LDB1: variants seen among roughly 807,000 people sequenced by gnomAD.
LDB1 encodes the protein LIM domain-binding protein 1.
Under a neutral mutation model 49.7 loss-of-function variants are expected in LDB1, and 6 were observed. The ratio of observed to expected loss-of-function variants is 0.12; its 90% CI spans 0.07 to 0.24. The LOEUF (loss-of-function observed/expected upper bound fraction) is 0.24, where lower values mean the gene tolerates loss of function less well. LDB1 is among the 10% of genes least tolerant of loss of function. The pLI, the probability that LDB1 is intolerant of heterozygous loss-of-function variation, is 1.00. For missense variants in LDB1, 341 were observed against 561.7 expected (o/e 0.61, Z 3.97); for synonymous variants, 233 against 202.0 (o/e 1.15, Z -1.30).
chr10:102,107,390 G>C lies in LDB1; in HGVS notation c.*703C>G, dbSNP rs1478189449. ...CAACTGCAGTCACCCCAGAGGAAAG[G>C]GGGAGAGATGGTGAAATGTCTCCTT... is the stretch of plus-strand genomic sequence containing the variant. On this transcript the variant is annotated 3_prime_UTR_variant, in exon 11 of 11. Transcript: ENST00000673968. Among the ~76,000 whole-genome samples, 1 of 151,980 alleles carries C rather than the reference G, an allele frequency of 6.6e-6. No homozygotes were observed. The highest frequency in any genetic ancestry group is 6.6e-5 in the Admixed American group (1 of 15,264).
At chr10:102,102,503 A>G (rs2068128925), downstream of LDB1, among the ~76,000 whole-genome samples, 1 of 152,188 alleles carries the variant, frequency 6.6e-6, no homozygotes, top group Non-Finnish European at 1.5e-5. Context: ...TGGAGCAGCA[A>G]GGAGGGAAGT....
At position 102,108,055 on chromosome 10, in the gene LDB1, C is replaced by T; in HGVS notation, c.*38G>A. ...CTCCCTGGGGCTGTGAGGGGTGGGG[C>T]AGGTAGGCAGAGCACTGGGTGGCCA... On this transcript the variant is annotated 3_prime_UTR_variant, in exon 11 of 11. Transcript: ENST00000673968. 6.8e-7 allele frequency: 1 copy of T among 1,474,478 alleles called. No individual in the cohort carries two copies. Among genetic ancestry groups the T allele is most frequent in the Non-Finnish European group, 9.5e-7 (1 of 1,055,732 alleles). 91.3% of individuals were successfully genotyped at this position (1,474,478 alleles called of 1,614,324 possible).
chr10:102,106,709 G>C lies in LDB1; in HGVS notation c.*1384C>G, dbSNP rs1052056725. On this transcript the variant is annotated 3_prime_UTR_variant, in exon 11 of 11. Coordinates refer to ENST00000673968, the MANE Select transcript of LDB1 (RefSeq NM_001113407.3). Reference sequence around the variant, plus strand: ...GGTGTGGGGGACCCCAGAATCCAGAGGGAAGAGTGGGGAGAGAGGTGGTGT... The same window carrying C: ...GGTGTGGGGGACCCCAGAATCCAGACGGAAGAGTGGGGAGAGAGGTGGTGT... Among the ~76,000 whole-genome samples the C allele has an allele frequency of 6.6e-6, 1 of 152,048 alleles. No individual in the cohort carries two copies. Among genetic ancestry groups the C allele is most frequent in the African/African-American group, 2.4e-5 (1 of 41,392 alleles).
intron 10 of LDB1, 21 bp from the exon 11 acceptor site, chr10:102,108,344 C>A: frequency 6.2e-7 from 1 of 1,600,072 alleles, no homozygotes; most frequent in Admixed American, 1.7e-5. Flanking sequence ...CGGAGGTCCC[C>A]AAACATAATC....
At chr10:102,118,429 C>G (rs1564917252) in intron 1 of LDB1, among the ~76,000 whole-genome samples, 1 of 152,128 alleles carries the variant, frequency 6.6e-6, no homozygotes, top group Non-Finnish European at 1.5e-5. Flanking sequence ...CACCCACCCA[C>G]AAACCCCTGG....
chr10:102,120,044 G>A, intron 1 of LDB1, 42 bp downstream of exon 1: 1 of 1,405,108 alleles, frequency 7.1e-7, no homozygotes, highest in Non-Finnish European at 9.5e-7. Flanking sequence ...CCGCAGGGAC[G>A]GCTGGGCAGG....
chr10:102,103,771 G>A (rs191049165), downstream of LDB1, among the ~76,000 whole-genome samples: 4 of 152,146 alleles, frequency 2.6e-5, no homozygotes, highest in East Asian at 7.7e-4. Flanking sequence ...CCGAGATCAT[G>A]CCACTGCACT....
chr10:102,120,941 C>T (rs1019093404), upstream of LDB1, among the ~76,000 whole-genome samples: 1 of 152,154 alleles, frequency 6.6e-6, no homozygotes, highest in Non-Finnish European at 1.5e-5. Flanking sequence ...TCTGGAGGCC[C>T]CTTGTTTCGC....
At position 102,109,347 on chromosome 10, in the gene LDB1, T is replaced by C. The variant is rs373056910; in HGVS notation, c.856+37A>G. 4 of 1,612,848 alleles carry C rather than the reference T, an allele frequency of 2.5e-6. No individual in the cohort carries two copies. The South Asian group carries it at 4.4e-5, about 18-fold the overall frequency. ...ATAAAGATACAGCTTTGGGGAGCGG[T>C]GTGAGATCCTGGTAAGAGCAGGTGC... On this transcript the variant is annotated intron_variant, in intron 9 of 10. Coordinates refer to ENST00000673968, the MANE Select transcript of LDB1 (RefSeq NM_001113407.3). This position sits in a 1 kb window ranked among gnomAD's most constrained non-coding sequence, Gnocchi z 5.8.
Position 102,109,441 on chromosome 10 carries a change from G to A in LDB1, c.799C>T (p.Arg267Cys). The change falls in exon 9 of 11, where the codon CGC (arginine) becomes TGC (cysteine). Residue 267 changes from arginine (R) to cysteine (C), a missense_variant. Around this residue, in one of 5 missense-constraint regions of LDB1, gnomAD observed 233 missense variants for 385.7 expected, o/e 0.60. Coordinates refer to ENST00000673968, the MANE Select transcript of LDB1 (RefSeq NM_001113407.3). The surrounding 1 kb of genome is among the most constrained non-coding windows in gnomAD (Gnocchi z 5.8). ...AAAAGGCAGGTCTTGAGGCAGTCGCGGGGGCTGAGGCTGTAGGTCTTGTGG... is the reference window on the plus strand; with the variant it reads ...AAAAGGCAGGTCTTGAGGCAGTCGCAGGGGCTGAGGCTGTAGGTCTTGTGG... ...SRHKTYSLSP[R>C]DCLKTCLFQK... 1 of 1,614,162 alleles carries A rather than the reference G, an allele frequency of 6.2e-7. No individual in the cohort carries two copies. Among genetic ancestry groups the A allele is most frequent in the Non-Finnish European group, 8.5e-7 (1 of 1,180,018 alleles).
At chr10:102,112,093 A>G (rs904526075) in intron 1 of LDB1, among the ~76,000 whole-genome samples, 2 of 152,204 alleles carry the variant, frequency 1.3e-5, no homozygotes. Context: ...CCATTTCTTC[A>G]TTTGGCTGAG....
chr10:102,104,370 G>A (rs777550288), downstream of LDB1, among the ~76,000 whole-genome samples: 2 of 152,106 alleles, frequency 1.3e-5, no homozygotes, highest in Admixed American at 6.6e-5. Context: ...ACAAACACAC[G>A]TATACACTGC....
upstream of LDB1, chr10:102,120,505 G>T: frequency 2.1e-6 from 1 of 481,250 alleles, no homozygotes; most frequent in Non-Finnish European, 2.7e-6. Context: ...GCCGGGCAGG[G>T]CCGGGCTTTA....
downstream of LDB1, among the ~76,000 whole-genome samples, chr10:102,102,469 A>T (rs1193352630): frequency 6.6e-6 from 1 of 152,138 alleles, no homozygotes; most frequent in Non-Finnish European, 1.5e-5. Context: ...CTCCTCTTGT[A>T]GAGGTGAGCT....
At chr10:102,103,723 A>G (rs997506842), downstream of LDB1, among the ~76,000 whole-genome samples, 1 of 152,108 alleles carries the variant, frequency 6.6e-6, no homozygotes, top group African/African-American at 2.4e-5. Context: ...CTGAGGCAGG[A>G]GAATCACTTG....
At position 102,110,512 on chromosome 10, in the gene LDB1, C is replaced by A. The variant is rs1645735915; in HGVS notation, c.525+17G>T. ...ACCCAGGTGCCATGGTGTTCCACAT[C>A]CAGCTGGGTTGCTGACCTGGGTGAA... On this transcript the variant is annotated intron_variant, in intron 6 of 10. Coordinates refer to ENST00000673968, the MANE Select transcript of LDB1 (RefSeq NM_001113407.3). 1 of 1,603,094 alleles carries A rather than the reference C, an allele frequency of 6.2e-7. No homozygotes were observed. The highest frequency in any genetic ancestry group is 1.1e-5 in the South Asian group (1 of 89,116).
intron 10 of LDB1, 41 bp from the exon 11 acceptor site, chr10:102,108,364 G>A (rs1216384215): frequency 1.9e-6 from 3 of 1,538,950 alleles, no homozygotes; most frequent in Non-Finnish European, 2.7e-6. Context: ...CGGGGCAAGG[G>A]CTCGCCCGGC....
chr10:102,117,441 G>A lies in LDB1; in HGVS notation c.25+2645C>T, dbSNP rs900804352. 2.0e-5 allele frequency among the ~76,000 whole-genome samples: 3 copies of A among 152,170 alleles called. No homozygotes were observed. The highest frequency in any genetic ancestry group is 7.2e-5 in the African/African-American group (3 of 41,448). Reference sequence around the variant, plus strand: ...TGAGGTGGAGGGAGCAGCAAATAATGACAAAGATGATGAGGGAAAGTACTC... The same window carrying A: ...TGAGGTGGAGGGAGCAGCAAATAATAACAAAGATGATGAGGGAAAGTACTC... On this transcript the variant is annotated intron_variant, in intron 1 of 10. Coordinates refer to ENST00000673968, the MANE Select transcript of LDB1 (RefSeq NM_001113407.3). This position sits in a 1 kb window ranked among gnomAD's most constrained non-coding sequence, Gnocchi z 4.2.
upstream of LDB1, among the ~76,000 whole-genome samples, chr10:102,121,408 C>A (rs983870786): frequency 6.6e-6 from 1 of 152,128 alleles, no homozygotes; most frequent in Non-Finnish European, 1.5e-5. Context: ...GAGGCAGAGG[C>A]TGTGGGCCGT....
Sources: allele counts gnomAD v4.1 joint callset (sites outside exome capture counted in the v4.1 genomes callset), GRCh38; gene constraint gnomAD v4.1.1; regional missense constraint gnomAD v4.1.1; non-coding constraint Gnocchi (gnomAD v3.1); transcripts MANE v1.5; gene names NCBI Gene and HGNC (gene_info 2026-07-23, HGNC 2026-07-21).